Variants in SLC44A3 observed in about 807,000 individuals in gnomAD.
SLC44A3 encodes solute carrier family 44 member 3.
A neutral mutation model predicts 75.4 loss-of-function variants in SLC44A3; 74 were observed. The ratio of observed to expected loss-of-function variants is 0.98; its 90% CI spans 0.81 to 1.19. The LOEUF (loss-of-function observed/expected upper bound fraction) is 1.19. Ranked by LOEUF, SLC44A3 falls within the 50% of genes most tolerant of loss-of-function variation. SLC44A3 has a pLI of 0.00. For synonymous variants in SLC44A3, 310 were observed against 296.9 expected (o/e 1.04, Z -0.45); for missense variants, 700 against 778.6 (o/e 0.90, Z 1.20).
chr1:94,836,580 T>C (rs1662819080), intron 5 of SLC44A3, among the ~76,000 whole-genome samples: 1 of 151,978 alleles, frequency 6.6e-6, no homozygotes, highest in African/African-American at 2.4e-5. Context: ...TTTGTTGGGG[T>C]TGGTAGTTTG....
intron 6 of SLC44A3, among the ~76,000 whole-genome samples, chr1:94,838,440 G>A (rs912460398): frequency 5.9e-5 from 9 of 152,148 alleles, no homozygotes; most frequent in African/African-American, 2.2e-4. Flanking sequence ...GATCTTTTGA[G>A]TTCCCATTTT....
intron 9 of SLC44A3, among the ~76,000 whole-genome samples, chr1:94,856,737 C>G (rs1326327117): frequency 6.6e-6 from 1 of 150,960 alleles, no homozygotes; most frequent in Admixed American, 6.6e-5. Flanking sequence ...TCTTCTTCTT[C>G]TTTTTTTTTG....
At chr1:94,851,226 T>C (rs1404896238) in intron 9 of SLC44A3, among the ~76,000 whole-genome samples, 2 of 152,218 alleles carry the variant, frequency 1.3e-5, no homozygotes, top group African/African-American at 4.8e-5. Context: ...CATACTTAGA[T>C]ATTTCTCCTC....
intron 14 of SLC44A3, among the ~76,000 whole-genome samples, chr1:94,894,108 C>G (rs934205137): frequency 1.3e-5 from 2 of 151,794 alleles, no homozygotes; most frequent in African/African-American, 4.8e-5. Flanking sequence ...CACCTCCCCC[C>G]CAAAAAAAAT....
intron 12 of SLC44A3, among the ~76,000 whole-genome samples, chr1:94,880,590 A>T (rs1471704290): frequency 6.6e-6 from 1 of 152,212 alleles, no homozygotes; most frequent in Admixed American, 6.5e-5. Context: ...TACTTTAGAT[A>T]CTTTAAATGC....
chr1:94,849,763 T>C (rs1664963474), intron 9 of SLC44A3, among the ~76,000 whole-genome samples: 1 of 152,146 alleles, frequency 6.6e-6, no homozygotes, highest in African/African-American at 2.4e-5. Flanking sequence ...TGTTTTGTTT[T>C]TTGTTGGTTT....
At chr1:94,863,318 C>T (rs1666796803) in intron 10 of SLC44A3, among the ~76,000 whole-genome samples, 1 of 152,144 alleles carries the variant, frequency 6.6e-6, no homozygotes, top group Non-Finnish European at 1.5e-5. Flanking sequence ...TGGTTAACCC[C>T]ATCACAGTGA....
At chr1:94,840,666 G>A (rs571221989) in intron 7 of SLC44A3, among the ~76,000 whole-genome samples, 123 of 152,278 alleles carry the variant, frequency 8.1e-4, no homozygotes, top group Non-Finnish European at 1.4e-3. Flanking sequence ...TATCCATAAC[G>A]TTAAAAGAGA....
intron 3 of SLC44A3, among the ~76,000 whole-genome samples, chr1:94,827,026 G>C (rs1050199536): frequency 2.6e-5 from 4 of 152,192 alleles, no homozygotes; most frequent in African/African-American, 7.2e-5. Context: ...CTCTCAACCT[G>C]GGAGAAGGGG....
intron 12 of SLC44A3, among the ~76,000 whole-genome samples, chr1:94,889,638 G>A (rs1381506056): frequency 6.6e-6 from 1 of 151,932 alleles, no homozygotes; most frequent in Non-Finnish European, 1.5e-5. Flanking sequence ...AGAGTTCATT[G>A]CATAGTTGTT....
intron 12 of SLC44A3, among the ~76,000 whole-genome samples, chr1:94,882,631 C>G (rs1189346700): frequency 1.3e-5 from 2 of 152,140 alleles, no homozygotes; most frequent in African/African-American, 4.8e-5. Context: ...TTGGACCTGC[C>G]TCTTCGTTAG....
chr1:94,848,820 A>T (rs755202594), intron 9 of SLC44A3, among the ~76,000 whole-genome samples: 4 of 152,126 alleles, frequency 2.6e-5, no homozygotes, highest in Non-Finnish European at 4.4e-5. Flanking sequence ...AGCTATGGGA[A>T]CACCAGAACA....
At position 94,824,646 on chromosome 1, in the gene SLC44A3, A is replaced by G; in HGVS notation, c.278+11A>G. ...CATGACCCTAAAAAAGTAAGTATCT[A>G]AATAAGTCCCCAGTCTGTAAGGAAC... On this transcript the variant is annotated intron_variant, in intron 3 of 14. Transcript: ENST00000271227. 2 of 1,563,942 alleles carry G rather than the reference A, an allele frequency of 1.3e-6. No individual in the cohort carries two copies. The highest frequency in any genetic ancestry group is 1.7e-6 in the Non-Finnish European group (2 of 1,160,254).
chr1:94,822,460 A>G (rs1188818474), intron 2 of SLC44A3, among the ~76,000 whole-genome samples: 1 of 152,180 alleles, frequency 6.6e-6, no homozygotes, highest in Non-Finnish European at 1.5e-5. Flanking sequence ...ATTTGCAGGT[A>G]TTTAAAACAG....
At chr1:94,822,494 A>T (rs1006024386) in intron 2 of SLC44A3, among the ~76,000 whole-genome samples, 2 of 151,972 alleles carry the variant, frequency 1.3e-5, no homozygotes, top group Middle Eastern at 3.4e-3. Flanking sequence ...TTGTTTTTGG[A>T]CTTTTTTTTC....
chr1:94,841,920 C>T (rs1663701224), intron 7 of SLC44A3, 80 bp from the exon 8 acceptor site: 1 of 1,505,380 alleles, frequency 6.6e-7, no homozygotes, highest in Non-Finnish European at 8.9e-7. Context: ...AGTGGCTGGA[C>T]TTCCTGTGTG....
chr1:94,824,350 CTG>C (rs978969554), intron 2 of SLC44A3, 141 bp from the exon 3 acceptor site: 2 of 877,216 alleles, frequency 2.3e-6, no homozygotes, highest in African/African-American at 3.5e-5. Context: ...GTTGCTGACA[CTG>C]TTACTGACGG....
At chr1:94,820,849 A>G in intron 1 of SLC44A3, 100 bp from the exon 2 acceptor site, 1 of 1,324,096 alleles carries the variant, frequency 7.6e-7, no homozygotes, top group Non-Finnish European at 1.0e-6. Context: ...TTAGAAAAAG[A>G]TTGGTTACTT....
chr1:94,824,767 G>A, intron 3 of SLC44A3, 132 bp downstream of exon 3: 4 of 1,106,224 alleles, frequency 3.6e-6, no homozygotes, highest in East Asian at 2.6e-5. Context: ...GGAAGGCTGT[G>A]TATATAGTAC....
Sources: gnomAD v4.1 joint callset for allele counts (sites outside exome capture counted in the v4.1 genomes callset) on GRCh38, gnomAD v4.1.1 for gene constraint, MANE v1.5 for transcripts, NCBI Gene and HGNC (gene_info 2026-07-23, HGNC 2026-07-21) for gene names.